Variants in SUCLG2 observed in about 807,000 individuals in gnomAD.
The protein encoded by SUCLG2 is succinate-CoA ligase GDP-forming subunit beta, also known as succinate--CoA ligase [GDP-forming] subunit beta, mitochondrial.
SUCLG2 carries 42 observed loss-of-function variants against 47.9 expected under a neutral mutation model. The ratio of observed to expected loss-of-function variants is 0.88; its 90% CI spans 0.69 to 1.14. The LOEUF (loss-of-function observed/expected upper bound fraction) is 1.14, where lower values mean the gene tolerates loss of function less well. Ranked by LOEUF, SUCLG2 falls within the 50% of genes most tolerant of loss-of-function variation. SUCLG2 has a pLI of 0.00. For synonymous variants in SUCLG2, 195 were observed against 197.3 expected, an observed-to-expected ratio of 0.99 and a Z score of 0.10; for missense variants, 571 against 525.9, an observed-to-expected ratio of 1.09 and a Z score of -0.84.
intron 6 of SUCLG2, among the ~76,000 whole-genome samples, chr3:67,517,584 G>A (rs1705978923): frequency 6.6e-6 from 1 of 152,134 alleles, no homozygotes; most frequent in African/African-American, 2.4e-5. Flanking sequence ...GGCAGAGCAG[G>A]GGACGATACT....
At chr3:67,636,316 T>C (rs867620745) in intron 1 of SUCLG2, among the ~76,000 whole-genome samples, 1 of 151,724 alleles carries the variant, frequency 6.6e-6, no homozygotes, top group Middle Eastern at 3.5e-3. Flanking sequence ...AAGATTCTCA[T>C]TCAAAGAGGT....
chr3:67,565,469 T>C (rs1707429266), intron 2 of SUCLG2, among the ~76,000 whole-genome samples: 1 of 152,198 alleles, frequency 6.6e-6, no homozygotes, highest in East Asian at 1.9e-4. Flanking sequence ...TGCCATACTT[T>C]TAAAAAATTA....
chr3:67,378,229 A>G (rs1449273101), intron 10 of SUCLG2, among the ~76,000 whole-genome samples: 3 of 152,238 alleles, frequency 2.0e-5, no homozygotes, highest in Non-Finnish European at 4.4e-5. Context: ...ACATCTTTGT[A>G]GAATCCGTCC....
In SUCLG2 at chr3:67,599,010, C is replaced by G. The variant is rs187494357; in HGVS notation, c.226+10445G>C. ...AGATGAGCCACAAAAACTGGGAGAT[C>G]GTGACAATGATAATGATCCTAACTA... On this transcript the variant is annotated intron_variant, in intron 2 of 10. Coordinates refer to ENST00000307227, the MANE Select transcript of SUCLG2 (RefSeq NM_003848.4). 1.4e-3 allele frequency among the ~76,000 whole-genome samples: 207 copies of G among 152,250 alleles called. 2 individuals carry two copies. The highest frequency in any genetic ancestry group is 6.8e-3 in the Middle Eastern group (2 of 294).
At chr3:67,381,567 T>C (rs1249685236) in intron 10 of SUCLG2, among the ~76,000 whole-genome samples, 1 of 152,236 alleles carries the variant, frequency 6.6e-6, no homozygotes, top group East Asian at 1.9e-4. Flanking sequence ...CTAATATTTA[T>C]TAAATGCTAC....
chr3:67,531,652 C>T (rs1399115921), intron 2 of SUCLG2, among the ~76,000 whole-genome samples: 1 of 152,152 alleles, frequency 6.6e-6, no homozygotes, highest in Non-Finnish European at 1.5e-5. Context: ...CGCACATCTG[C>T]AACATACACC....
At chr3:67,444,080 T>G (rs1348064779) in intron 9 of SUCLG2, among the ~76,000 whole-genome samples, 2 of 84,646 alleles carry the variant, frequency 2.4e-5, no homozygotes, top group Non-Finnish European at 4.9e-5. Flanking sequence ...GCCCCCCGCC[T>G]GGCCAGCCGC....
At chr3:67,570,525 T>C (rs1707578209) in intron 2 of SUCLG2, among the ~76,000 whole-genome samples, 1 of 152,122 alleles carries the variant, frequency 6.6e-6, no homozygotes, top group Non-Finnish European at 1.5e-5. Context: ...CCAATAGTCT[T>C]AGGTTAGGGG....
intron 9 of SUCLG2, among the ~76,000 whole-genome samples, chr3:67,417,912 T>A (rs1044781182): frequency 2.0e-5 from 3 of 152,306 alleles, no homozygotes; most frequent in South Asian, 2.1e-4. Flanking sequence ...TGTTTGAAAG[T>A]TATTCTTTAA....
intron 2 of SUCLG2, among the ~76,000 whole-genome samples, chr3:67,568,342 G>T (rs1443075845): frequency 6.6e-6 from 1 of 152,152 alleles, no homozygotes; most frequent in East Asian, 1.9e-4. Context: ...GCAAAGTAAG[G>T]AAGGGATAAA....
intron 10 of SUCLG2, among the ~76,000 whole-genome samples, chr3:67,361,084 T>C (rs1052011539): frequency 4.6e-5 from 7 of 151,914 alleles, no homozygotes; most frequent in Non-Finnish European, 8.8e-5. Flanking sequence ...AAACAGATAA[T>C]AGAGTGACTA....
chr3:67,490,399 T>C (rs1247869625), intron 9 of SUCLG2, among the ~76,000 whole-genome samples: 3 of 152,204 alleles, frequency 2.0e-5, no homozygotes, highest in Non-Finnish European at 4.4e-5. Flanking sequence ...CTGAAACATA[T>C]ACCATAGAGC....
chr3:67,411,480 A>G (rs1014991780), intron 9 of SUCLG2, among the ~76,000 whole-genome samples: 3 of 152,226 alleles, frequency 2.0e-5, no homozygotes, highest in Admixed American at 2.0e-4. Flanking sequence ...TCAAAACCCT[A>G]GTGGATAAAT....
At position 67,609,473 on chromosome 3, in the gene SUCLG2, C is replaced by G. The variant is rs149334981; in HGVS notation, c.208G>C (p.Glu70Gln). Reference sequence around the variant, plus strand: ...AGCTTACTTAGTCTCTTAGCAGCCTCGAGAGCTTCATTTGCAGTGTCTGCT... The same window carrying G: ...AGCTTACTTAGTCTCTTAGCAGCCTGGAGAGCTTCATTTGCAGTGTCTGCT... Reference protein sequence around the residue: ...FVADTANEALEAAKRLNAKEI... With the variant: ...FVADTANEALQAAKRLNAKEI... The change falls in exon 2 of 11, where the codon GAG becomes CAG. Residue 70 changes from glutamate (E) to glutamine (Q), a missense_variant. Coordinates refer to ENST00000307227, the MANE Select transcript of SUCLG2 (RefSeq NM_003848.4). 6.2e-7 allele frequency: 1 copy of G among 1,612,638 alleles called. No homozygotes were observed. The highest frequency in any genetic ancestry group is 2.2e-5 in the East Asian group (1 of 44,860).
intron 6 of SUCLG2, chr3:67,514,297 G>T: frequency 4.8e-6 from 2 of 420,056 alleles, no homozygotes; most frequent in South Asian, 4.2e-5. Context: ...AGGAAAATTG[G>T]ATCAAACATT....
chr3:67,559,709 AT>A, intron 2 of SUCLG2, among the ~76,000 whole-genome samples: 1 of 152,258 alleles, frequency 6.6e-6, no homozygotes, highest in Middle Eastern at 3.4e-3. Context: ...TGACATCAAA[AT>A]TTTTACCAAT....
intron 9 of SUCLG2, among the ~76,000 whole-genome samples, chr3:67,414,739 G>A (rs9827838): frequency 0.074 from 11,191 of 152,186 alleles, 478 homozygotes; most frequent in East Asian, 0.11. Flanking sequence ...CCACAACTAG[G>A]TAGATGTATC....
intron 1 of SUCLG2, among the ~76,000 whole-genome samples, chr3:67,629,557 T>A (rs1700891534): frequency 6.6e-6 from 1 of 152,136 alleles, no homozygotes; most frequent in African/African-American, 2.4e-5. Flanking sequence ...ATGTCAGTGT[T>A]TCAGAGTTTA....
chr3:67,472,304 G>A (rs958520150), intron 9 of SUCLG2, among the ~76,000 whole-genome samples: 3 of 152,126 alleles, frequency 2.0e-5, no homozygotes, highest in Non-Finnish European at 4.4e-5. Flanking sequence ...TAAAAAACAA[G>A]ACCATGTTTC....
Sources: gnomAD v4.1 joint callset for allele counts (sites outside exome capture counted in the v4.1 genomes callset) on GRCh38, gnomAD v4.1.1 for gene constraint, MANE v1.5 for transcripts, NCBI Gene and HGNC (gene_info 2026-07-23, HGNC 2026-07-21) for gene names.